Variants in ALAS1 observed in about 807,000 individuals in gnomAD.
ALAS1 encodes the protein 5-aminolevulinate synthase, non-specific, mitochondrial.
A neutral mutation model predicts 59.6 loss-of-function variants in ALAS1; 29 were observed. The observed-to-expected ratio is 0.49, with a 90% CI of 0.36 to 0.66. The LOEUF is 0.66. ALAS1 is among the 30% of genes least tolerant of loss of function. The pLI, the probability that ALAS1 is intolerant of heterozygous loss-of-function variation, is 0.00. For missense variants in ALAS1, 690 were observed against 807.5 expected (o/e 0.85, Z 1.76); for synonymous variants, 299 against 296.6 (o/e 1.01, Z -0.08).
chr3:52,199,541 A>ATAGCAGCCCTCTGT, intron 3 of ALAS1, 101 bp downstream of exon 3: 3 of 1,136,410 alleles, frequency 2.6e-6, no homozygotes, highest in Non-Finnish European at 3.8e-6. Flanking sequence ...ACTCACTCAC[A>ATAGCAGCCCTCTGT]GAGGGCTGCT....
At chr3:52,198,955 C>A in intron 2 of ALAS1, 107 bp downstream of exon 2, 1 of 1,203,664 alleles carries the variant, frequency 8.3e-7, no homozygotes, top group Non-Finnish European at 1.2e-6. Context: ...TGATTATGTA[C>A]TGTCAGTATT....
In ALAS1 at chr3:52,214,209, C is replaced by G; in HGVS notation, c.*29C>G. On this transcript the variant is annotated 3_prime_UTR_variant, in exon 12 of 12. Transcript: ENST00000484952. ...TGACCTCAATTATTTCACTTAACCCCAGGCCATTATCATATCCAGATGGTC... is the reference window on the plus strand; with the variant it reads ...TGACCTCAATTATTTCACTTAACCCGAGGCCATTATCATATCCAGATGGTC... 1 of 1,564,314 alleles carries G rather than the reference C, an allele frequency of 6.4e-7. No homozygotes were observed. Among genetic ancestry groups the G allele is most frequent in the Non-Finnish European group, 8.8e-7 (1 of 1,142,282 alleles).
intron 3 of ALAS1, among the ~76,000 whole-genome samples, chr3:52,200,743 G>C (rs971315111): frequency 6.6e-6 from 1 of 152,230 alleles, no homozygotes; most frequent in Non-Finnish European, 1.5e-5. Context: ...TTTTAACAAA[G>C]AGACTAGAGT....
intron 3 of ALAS1, among the ~76,000 whole-genome samples, chr3:52,202,019 C>CA (rs1432452379): frequency 3.3e-5 from 5 of 152,108 alleles, no homozygotes; most frequent in Non-Finnish European, 7.3e-5. Context: ...TCCTGTGAAG[C>CA]AGATGAAAAA....
At chr3:52,206,497 A>T in intron 7 of ALAS1, 75 bp from the exon 8 acceptor site, 3 of 1,496,718 alleles carry the variant, frequency 2.0e-6, no homozygotes, top group Non-Finnish European at 2.7e-6. Flanking sequence ...TTCCAAGGAA[A>T]AGTCTGTTGT....
At chr3:52,213,094 G>A (rs352163) in intron 11 of ALAS1, among the ~76,000 whole-genome samples, 72,286 of 151,900 alleles carry the variant, frequency 0.48, 17,782 homozygotes, top group Non-Finnish European at 0.54. Context: ...CTTCACCACT[G>A]CCCTCTACTC....
upstream of ALAS1, chr3:52,198,103 G>A (rs561824801): frequency 2.0e-5 from 8 of 397,984 alleles, no homozygotes; most frequent in Non-Finnish European, 2.2e-5. Flanking sequence ...CAGCGCCCAA[G>A]GCGCATGCGC....
chr3:52,206,821 T>G, intron 8 of ALAS1, 70 bp downstream of exon 8: 3 of 1,504,810 alleles, frequency 2.0e-6, no homozygotes, highest in Non-Finnish European at 2.7e-6. Context: ...AAAAGTATGG[T>G]GTTTTGTTGT....
chr3:52,211,256 G>A (rs371325389), intron 9 of ALAS1, 27 bp from the exon 10 acceptor site: 1 of 1,606,602 alleles, frequency 6.2e-7, no homozygotes, highest in Non-Finnish European at 8.5e-7. Context: ...AGCTGTTGCT[G>A]TAATTAATGA....
Position 52,208,187 on chromosome 3 carries a change from G to A in ALAS1, c.1270G>A (p.Gly424Arg), listed in dbSNP as rs373367148. ...AGTGGGGCTTTATGGGGCTCGAGGC[G>A]GAGGGATTGGGGATCGGGATGGAGT... ...HAVGLYGARG[G>R]GIGDRDGVMP... is the part of the protein sequence containing the mutation. Residue 424 changes from glycine to arginine, a missense_variant, in exon 9 of 12, where the codon GGA becomes AGA. Physicochemically the swap from Gly to Arg is moderately radical, Grantham distance 125. Coordinates refer to ENST00000484952, the MANE Select transcript of ALAS1 (RefSeq NM_000688.6). 6.2e-6 allele frequency: 10 copies of A among 1,614,164 alleles called. No homozygotes were observed. Among genetic ancestry groups the A allele is most frequent in the Non-Finnish European group, 8.5e-6 (10 of 1,180,006 alleles).
chr3:52,204,940 A>G, intron 6 of ALAS1, 25 bp downstream of exon 6: 2 of 1,585,340 alleles, frequency 1.3e-6, no homozygotes, highest in Non-Finnish European at 1.7e-6. Flanking sequence ...GCTTTCAAAT[A>G]TTACTGTTGT....
At chr3:52,211,161 C>G in intron 9 of ALAS1, 122 bp from the exon 10 acceptor site, 1 of 1,120,828 alleles carries the variant, frequency 8.9e-7, no homozygotes, top group Non-Finnish European at 1.3e-6. Flanking sequence ...TCCAATCAGT[C>G]CAGGAACAAA....
chr3:52,212,528 C>T, intron 11 of ALAS1, 108 bp downstream of exon 11: 1 of 1,417,782 alleles, frequency 7.1e-7, no homozygotes, highest in Non-Finnish European at 9.8e-7. Context: ...GTTTCTTCTT[C>T]TTTTTTTAGT....
chr3:52,211,449 G>C lies in ALAS1; in HGVS notation c.1497G>C (p.Val499=), dbSNP rs1699405470. 1.2e-6 allele frequency: 2 copies of C among 1,614,232 alleles called. No homozygotes were observed. The highest frequency in any genetic ancestry group is 1.7e-6 in the Non-Finnish European group (2 of 1,180,040). ...VRILKSAEGR[V]LRRQHQRNVK... is the part of the protein sequence containing the mutation. ...TCCTGAAGAGCGCTGAGGGACGGGT[G>C]CTTCGCCGCCAGCACCAGCGCAACG... The change falls in exon 10 of 12, where the codon GTG becomes GTC. Residue 499 remains valine, a synonymous_variant. Coordinates refer to ENST00000484952, the MANE Select transcript of ALAS1 (RefSeq NM_000688.6).
chr3:52,213,887 G>T, intron 11 of ALAS1, 133 bp from the exon 12 acceptor site: 3 of 770,422 alleles, frequency 3.9e-6, no homozygotes, highest in Non-Finnish European at 6.1e-6. Context: ...GTGGACATTT[G>T]GTTGTTTCTC....
At position 52,212,385 on chromosome 3, in the gene ALAS1, C is replaced by T. The variant is rs374158465; in HGVS notation, c.1727C>T (p.Pro576Leu). ...GAGCTCCTACGGATTGCCCCCACCC[C>T]TCACCACACACCCCAGATGATGAAC... is the stretch of plus-strand genomic sequence containing the variant. Reference protein sequence around the residue: ...GEELLRIAPTPHHTPQMMNYF... With the variant: ...GEELLRIAPTLHHTPQMMNYF... The change falls in exon 11 of 12, where the codon CCT becomes CTT. Residue 576 changes from proline to leucine, a missense_variant. Transcript: ENST00000484952. The T allele has an allele frequency of 4.5e-5, 72 of 1,614,008 alleles. No homozygotes were observed. Among genetic ancestry groups the T allele is most frequent in the Non-Finnish European group, 5.9e-5 (70 of 1,180,038 alleles).
At chr3:52,213,413 C>G (rs1433729628) in intron 11 of ALAS1, among the ~76,000 whole-genome samples, 1 of 152,176 alleles carries the variant, frequency 6.6e-6, no homozygotes, top group East Asian at 1.9e-4. Context: ...AAGCCCAACT[C>G]TGGGTTTTAT....
At chr3:52,210,142 G>A (rs557491304) in intron 9 of ALAS1, among the ~76,000 whole-genome samples, 1 of 152,346 alleles carries the variant, frequency 6.6e-6, no homozygotes, top group African/African-American at 2.4e-5. Context: ...AACAGTTAAT[G>A]CCTTAGCTGG....
rs139914359 is a variant in ALAS1, at chr3:52,212,352, G to A, written c.1694G>A (p.Arg565Gln). The A allele has an allele frequency of 2.0e-5, 33 of 1,613,958 alleles. No homozygotes were observed. Among genetic ancestry groups the A allele is most frequent in the South Asian group, 6.6e-5 (6 of 91,066 alleles). ...VQAINYPTVPRGEELLRIAPT... is the reference protein window; with the variant it reads ...VQAINYPTVPQGEELLRIAPT... ...GCAATCAATTACCCTACGGTGCCCCGGGGAGAAGAGCTCCTACGGATTGCC... is the reference window on the plus strand; with the variant it reads ...GCAATCAATTACCCTACGGTGCCCCAGGGAGAAGAGCTCCTACGGATTGCC... The change falls in exon 11 of 12, where the codon CGG (arginine) becomes CAG (glutamine). Residue 565 changes from arginine (R) to glutamine (Q), a missense_variant. Arg to Gln is a conservative substitution (Grantham distance 43). Transcript: ENST00000484952.
Sources: allele counts gnomAD v4.1 joint callset (sites outside exome capture counted in the v4.1 genomes callset), GRCh38; gene constraint gnomAD v4.1.1; transcripts MANE v1.5; gene names NCBI Gene and HGNC (gene_info 2026-07-23, HGNC 2026-07-21).